The following GABRG3 variants were observed in gnomAD, a reference collection of about 807,000 sequenced individuals.
GABRG3 encodes gamma-aminobutyric acid type A receptor subunit gamma3.
Under a neutral mutation model 48.8 loss-of-function variants are expected in GABRG3, and 25 were observed. The ratio of observed to expected loss-of-function variants is 0.51; its 90% CI spans 0.37 to 0.72. The LOEUF (loss-of-function observed/expected upper bound fraction) is 0.72. Ranked by LOEUF, GABRG3 falls within the 30% of genes least tolerant of loss-of-function variation. The pLI is 0.00. For synonymous variants in GABRG3, 227 were observed against 217.6 expected, an observed-to-expected ratio of 1.04 and a Z score of -0.38; for missense variants, 394 against 577.9, an observed-to-expected ratio of 0.68 and a Z score of 3.26.
At chr15:27,013,383 C>G (rs1895723979) in intron 2 of GABRG3, among the ~76,000 whole-genome samples, 1 of 151,994 alleles carries the variant, frequency 6.6e-6, no homozygotes, top group African/African-American at 2.4e-5. Flanking sequence ...TTAATGTAGT[C>G]CATTTGTCTA....
At chr15:27,140,941 G>A (rs932777891) in intron 3 of GABRG3, among the ~76,000 whole-genome samples, 15 of 152,152 alleles carry the variant, frequency 9.9e-5, no homozygotes, top group Non-Finnish European at 2.1e-4. Context: ...GAGCTTTACT[G>A]TAAGGTTAGC....
intron 3 of GABRG3, among the ~76,000 whole-genome samples, chr15:27,053,666 T>C (rs766204199): frequency 3.3e-5 from 5 of 152,178 alleles, no homozygotes; most frequent in Non-Finnish European, 7.3e-5. Context: ...AAACGACATA[T>C]GCACTTGTAT....
chr15:27,416,383 C>T (rs562352385), intron 5 of GABRG3, among the ~76,000 whole-genome samples: 5 of 152,184 alleles, frequency 3.3e-5, no homozygotes, highest in South Asian at 2.1e-4. Flanking sequence ...TCCCTGCCCT[C>T]AGGTCAGTAG....
At chr15:27,055,208 A>G (rs1896524582) in intron 3 of GABRG3, among the ~76,000 whole-genome samples, 1 of 152,030 alleles carries the variant, frequency 6.6e-6, no homozygotes, top group South Asian at 2.1e-4. Context: ...CCTGTGATAG[A>G]GACTCTGTGT....
intron 3 of GABRG3, among the ~76,000 whole-genome samples, chr15:27,168,316 T>G (rs1460738146): frequency 6.6e-6 from 1 of 151,872 alleles, no homozygotes; most frequent in East Asian, 1.9e-4. Context: ...AAACTCTCAT[T>G]CAATACCTAA....
At chr15:27,004,177 CCT>C (rs1233171532) in intron 2 of GABRG3, among the ~76,000 whole-genome samples, 1 of 150,954 alleles carries the variant, frequency 6.6e-6, no homozygotes, top group Non-Finnish European at 1.5e-5. Flanking sequence ...CGGAGAGGCT[CCT>C]CACTTCCCAG....
chr15:27,445,965 AT>A (rs1375894911), intron 5 of GABRG3, among the ~76,000 whole-genome samples: 2 of 151,646 alleles, frequency 1.3e-5, no homozygotes, highest in Non-Finnish European at 2.9e-5. Context: ...AAATAAGAGG[AT>A]TTATTTGTGA....
chr15:27,083,593 T>C (rs1304343865), intron 3 of GABRG3, among the ~76,000 whole-genome samples: 2 of 152,142 alleles, frequency 1.3e-5, no homozygotes, highest in Admixed American at 6.5e-5. Context: ...CCCAAAGTGC[T>C]GGGATTACAG....
At chr15:27,263,377 AG>A (rs1482238225) in intron 3 of GABRG3, among the ~76,000 whole-genome samples, 2 of 152,130 alleles carry the variant, frequency 1.3e-5, no homozygotes, top group Non-Finnish European at 2.9e-5. Flanking sequence ...TGAAGTCACC[AG>A]GTCCTAATTT....
At chr15:27,449,943 A>G (rs554974618) in intron 5 of GABRG3, among the ~76,000 whole-genome samples, 3 of 152,354 alleles carry the variant, frequency 2.0e-5, no homozygotes, top group Middle Eastern at 3.4e-3. Flanking sequence ...TACTTTTTCT[A>G]TAGGTGTACA....
chr15:27,358,506 A>G (rs1327586772), intron 5 of GABRG3, among the ~76,000 whole-genome samples: 1 of 152,014 alleles, frequency 6.6e-6, no homozygotes, highest in Non-Finnish European at 1.5e-5. Flanking sequence ...TCAGTAAGTC[A>G]TGAGGGTGAG....
intron 5 of GABRG3, among the ~76,000 whole-genome samples, chr15:27,406,511 G>A (rs1381928381): frequency 6.6e-6 from 1 of 152,178 alleles, no homozygotes; most frequent in East Asian, 1.9e-4. Flanking sequence ...CTCTGTGGTA[G>A]CCCCTAAAAC....
chr15:27,211,437 C>G (rs1036388745), intron 3 of GABRG3, among the ~76,000 whole-genome samples: 1 of 152,176 alleles, frequency 6.6e-6, no homozygotes, highest in African/African-American at 2.4e-5. Context: ...AACAAATACA[C>G]TTTAGAGTAA....
intron 3 of GABRG3, among the ~76,000 whole-genome samples, chr15:27,210,937 T>C (rs1224984354): frequency 1.3e-5 from 2 of 152,212 alleles, no homozygotes; most frequent in Non-Finnish European, 2.9e-5. Context: ...AGATACACAA[T>C]TAAGGTGTCT....
intron 3 of GABRG3, among the ~76,000 whole-genome samples, chr15:27,323,234 G>T (rs79733588): frequency 0.019 from 2,852 of 152,218 alleles, 39 homozygotes; most frequent in Non-Finnish European, 0.032. Context: ...GAGTAATGTT[G>T]GTAAAATTCT....
chr15:27,081,969 G>A (rs1023942427), intron 3 of GABRG3, among the ~76,000 whole-genome samples: 2 of 152,212 alleles, frequency 1.3e-5, no homozygotes, highest in African/African-American at 4.8e-5. Flanking sequence ...TGGGGACCCA[G>A]AGAGTGCTTA....
chr15:27,097,309 C>T (rs1897281761), intron 3 of GABRG3, among the ~76,000 whole-genome samples: 2 of 151,978 alleles, frequency 1.3e-5, no homozygotes, highest in Admixed American at 6.6e-5. Flanking sequence ...AGTATGGGCT[C>T]CTGGGGACCC....
intron 2 of GABRG3, among the ~76,000 whole-genome samples, chr15:26,983,364 A>G (rs1321388253): frequency 1.3e-5 from 2 of 152,076 alleles, no homozygotes; most frequent in East Asian, 3.9e-4. Flanking sequence ...CACACTTGCG[A>G]TCTTCTGATG....
intron 1 of GABRG3, among the ~76,000 whole-genome samples, 171 bp downstream of exon 1, chr15:26,971,759 G>A (rs1047222998): frequency 2.6e-5 from 4 of 152,170 alleles, no homozygotes; most frequent in Non-Finnish European, 4.4e-5. Context: ...AGCTCCCTTG[G>A]ACACGGTCAT....
Sources: gnomAD v4.1 joint callset for allele counts (sites outside exome capture counted in the v4.1 genomes callset) on GRCh38, gnomAD v4.1.1 for gene constraint, MANE v1.5 for transcripts, NCBI Gene and HGNC (gene_info 2026-07-23, HGNC 2026-07-21) for gene names.